The following SORCS3 variants were observed in gnomAD, a reference collection of about 807,000 sequenced individuals.
SORCS3 encodes the protein sortilin related VPS10 domain containing receptor 3.
SORCS3 carries 57 observed loss-of-function variants against 146.3 expected under a neutral mutation model. That is an observed-to-expected ratio of 0.39 (90% CI 0.31 to 0.49). The LOEUF (loss-of-function observed/expected upper bound fraction) is 0.49. Ranked by LOEUF, SORCS3 falls within the 20% of genes least tolerant of loss-of-function variation. The pLI is 0.92. For missense variants in SORCS3, 1,341 were observed against 1,575.5 expected (o/e 0.85, Z 2.52); for synonymous variants, 653 against 618.5 (o/e 1.06, Z -0.83).
At chr10:105,006,884 G>A (rs760270555) in intron 4 of SORCS3, among the ~76,000 whole-genome samples, 11 of 152,098 alleles carry the variant, frequency 7.2e-5, no homozygotes, top group Non-Finnish European at 1.2e-4. Flanking sequence ...TAATAGTTTG[G>A]CATCATTCAG....
At chr10:105,127,782 G>C in intron 7 of SORCS3, among the ~76,000 whole-genome samples, 1 of 152,192 alleles carries the variant, frequency 6.6e-6, no homozygotes, top group Middle Eastern at 3.2e-3. Flanking sequence ...CTGGGAATCA[G>C]AGGAAGAAAA....
intron 3 of SORCS3, among the ~76,000 whole-genome samples, chr10:104,958,902 T>C (rs1482900153): frequency 1.3e-5 from 2 of 152,038 alleles, no homozygotes; most frequent in Admixed American, 1.3e-4. Context: ...CATCAGATCT[T>C]GTGAGAACGA....
At chr10:104,665,386 C>T (rs1049175251) in intron 1 of SORCS3, 1 of 152,202 alleles carries the variant, frequency 6.6e-6, no homozygotes, top group Admixed American at 6.5e-5. Context: ...CACGGGCTCC[C>T]AGAGCCTCCT....
intron 5 of SORCS3, among the ~76,000 whole-genome samples, chr10:105,057,677 G>A (rs764367158): frequency 2.0e-4 from 31 of 152,194 alleles, no homozygotes; most frequent in Non-Finnish European, 2.8e-4. Flanking sequence ...GAATGGCACT[G>A]AGGATCATCC....
At chr10:105,020,357 G>C (rs1002435013) in intron 4 of SORCS3, among the ~76,000 whole-genome samples, 1 of 152,132 alleles carries the variant, frequency 6.6e-6, no homozygotes, top group Non-Finnish European at 1.5e-5. Flanking sequence ...CTCCTTTGCT[G>C]TCAGGATGAA....
intron 9 of SORCS3, among the ~76,000 whole-genome samples, chr10:105,154,651 G>T (rs2056193161): frequency 6.6e-6 from 1 of 152,232 alleles, no homozygotes; most frequent in African/African-American, 2.4e-5. Flanking sequence ...CTCCTTGGAT[G>T]AGGATGAGTA....
At chr10:104,845,046 C>G (rs889646124) in intron 2 of SORCS3, among the ~76,000 whole-genome samples, 3 of 152,148 alleles carry the variant, frequency 2.0e-5, no homozygotes, top group African/African-American at 7.2e-5. Context: ...CTCCAACGTA[C>G]CAACCACACT....
At chr10:104,813,201 A>G (rs922804349) in intron 1 of SORCS3, among the ~76,000 whole-genome samples, 5 of 152,184 alleles carry the variant, frequency 3.3e-5, no homozygotes, top group Admixed American at 2.6e-4. Context: ...CCCTGTGAGC[A>G]CAGTGCCTTT....
chr10:104,653,486 G>T (rs1051265294), intron 1 of SORCS3, among the ~76,000 whole-genome samples: 1 of 151,918 alleles, frequency 6.6e-6, no homozygotes, highest in Non-Finnish European at 1.5e-5. Flanking sequence ...TTTTTCTGTG[G>T]CATATCCTCA....
At chr10:104,858,804 G>C (rs1437550664) in intron 2 of SORCS3, among the ~76,000 whole-genome samples, 1 of 151,678 alleles carries the variant, frequency 6.6e-6, no homozygotes, top group East Asian at 1.9e-4. Context: ...TGTGTTTTTA[G>C]TAGAGACGGG....
chr10:104,807,135 T>TTTTTTTTTTTTTTTTTTTTTGAG (rs1392376583), intron 1 of SORCS3, among the ~76,000 whole-genome samples: 1 of 151,656 alleles, frequency 6.6e-6, no homozygotes. Context: ...CTGTTGCTTT[T>TTTTTTTTTTTTTTTTTTTTTGAG]AAGAAATGGT....
At chr10:105,107,394 A>G (rs1325492039) in intron 7 of SORCS3, among the ~76,000 whole-genome samples, 1 of 151,794 alleles carries the variant, frequency 6.6e-6, no homozygotes, top group East Asian at 1.9e-4. Context: ...TTAATGCTAA[A>G]TATGCTAGAA....
chr10:105,253,635 G>C (rs1192924637), intron 23 of SORCS3, among the ~76,000 whole-genome samples: 3 of 152,168 alleles, frequency 2.0e-5, no homozygotes, highest in South Asian at 4.1e-4. Flanking sequence ...AAATAAGTGA[G>C]CATGAGGCTG....
chr10:104,791,344 C>G (rs945691034), intron 1 of SORCS3, among the ~76,000 whole-genome samples: 1 of 152,164 alleles, frequency 6.6e-6, no homozygotes, highest in Non-Finnish European at 1.5e-5. Flanking sequence ...TTGTTGAACT[C>G]GACAAACAGC....
At chr10:105,098,066 A>C (rs748090210) in intron 6 of SORCS3, among the ~76,000 whole-genome samples, 1 of 152,214 alleles carries the variant, frequency 6.6e-6, no homozygotes, top group Admixed American at 6.5e-5. Flanking sequence ...AGCTTGGCAC[A>C]CAAGTGAAAC....
intron 3 of SORCS3, among the ~76,000 whole-genome samples, chr10:104,956,852 C>T (rs775278889): frequency 6.6e-5 from 10 of 152,090 alleles, no homozygotes; most frequent in Non-Finnish European, 1.5e-4. Context: ...TTAAGACCAC[C>T]GACTTATTCT....
At position 104,768,724 on chromosome 10, in the gene SORCS3, A is replaced by G. The variant is rs77527946; in HGVS notation, c.628-74068A>G. Among the ~76,000 whole-genome samples the G allele has an allele frequency of 7.6e-4, 115 of 152,316 alleles. 1 individual carries two copies. The highest frequency in any genetic ancestry group is 2.0e-3 in the Admixed American group (31 of 15,302). ...TTTCTCTTCAGAAGCTTCACAAGTC[A>G]GAGGTTACCCCTTGCTCCCTCCAAC... On this transcript the variant is annotated intron_variant, in intron 1 of 26. Transcript: ENST00000369701.
intron 1 of SORCS3, among the ~76,000 whole-genome samples, chr10:104,817,597 T>C (rs1373165677): frequency 4.8e-5 from 1 of 20,820 alleles, no homozygotes; most frequent in Non-Finnish European, 8.9e-5. Flanking sequence ...CCCCTCCTCC[T>C]ATCCCCTTCC....
intron 5 of SORCS3, among the ~76,000 whole-genome samples, chr10:105,087,763 T>A (rs2055673295): frequency 6.6e-6 from 1 of 152,192 alleles, no homozygotes; most frequent in African/African-American, 2.4e-5. Context: ...GACACAGAAA[T>A]GAATTAGCAA....
Sources: allele counts gnomAD v4.1 joint callset (sites outside exome capture counted in the v4.1 genomes callset), GRCh38; gene constraint gnomAD v4.1.1; transcripts MANE v1.5; gene names NCBI Gene and HGNC (gene_info 2026-07-23, HGNC 2026-07-21).